The following SSBP3 variants were observed in gnomAD, a reference collection of about 807,000 sequenced individuals.
SSBP3 encodes the protein single stranded DNA binding protein 3.
SSBP3 carries 5 observed loss-of-function variants against 69.6 expected under a neutral mutation model. The observed-to-expected ratio is 0.07, with a 90% CI of 0.04 to 0.15. The LOEUF (loss-of-function observed/expected upper bound fraction) is 0.15. Ranked by LOEUF, SSBP3 falls within the 10% of genes least tolerant of loss-of-function variation. The probability of loss-of-function intolerance (pLI) is 1.00; values close to 1 mark genes in which losing one functional copy is unlikely to be tolerated. For synonymous variants in SSBP3, 196 were observed against 193.4 expected, an observed-to-expected ratio of 1.01 and a Z score of -0.11; for missense variants, 312 against 534.0, an observed-to-expected ratio of 0.58 and a Z score of 4.10.
chr1:54,289,984 C>A (rs764717670), intron 4 of SSBP3, among the ~76,000 whole-genome samples: 3 of 152,180 alleles, frequency 2.0e-5, no homozygotes, highest in Non-Finnish European at 2.9e-5. Flanking sequence ...ATCCTTCCAA[C>A]AATCCACAGT....
At chr1:54,255,163 G>A (rs1033603102) in intron 7 of SSBP3, among the ~76,000 whole-genome samples, 1 of 140,298 alleles carries the variant, frequency 7.1e-6, no homozygotes, top group African/African-American at 2.5e-5. Context: ...GGGGGCGGGG[G>A]GGGGGGTGGT....
At chr1:54,396,957 T>C (rs995544661) in intron 4 of SSBP3, among the ~76,000 whole-genome samples, 4 of 152,166 alleles carry the variant, frequency 2.6e-5, no homozygotes, top group African/African-American at 9.7e-5. Flanking sequence ...TAGCTACCGA[T>C]GGAGGAGTCT....
intron 1 of SSBP3, chr1:54,413,299 A>C (rs1363647497): frequency 6.6e-6 from 1 of 152,162 alleles, no homozygotes; most frequent in Admixed American, 6.5e-5. Flanking sequence ...GTGTTACCTA[A>C]CACACAGCCC....
intron 4 of SSBP3, among the ~76,000 whole-genome samples, chr1:54,318,892 C>T (rs916746638): frequency 5.9e-5 from 9 of 152,202 alleles, no homozygotes; most frequent in African/African-American, 1.9e-4. Flanking sequence ...CGTCCTTTCC[C>T]AGGATGTATC....
At chr1:54,293,446 C>A (rs576966501) in intron 4 of SSBP3, among the ~76,000 whole-genome samples, 1 of 152,146 alleles carries the variant, frequency 6.6e-6, no homozygotes, top group South Asian at 2.1e-4. Flanking sequence ...TGCCACCCAT[C>A]GATATGGTAT....
intron 4 of SSBP3, among the ~76,000 whole-genome samples, chr1:54,330,882 T>TCA (rs1227846728): frequency 6.6e-6 from 1 of 152,114 alleles, no homozygotes; most frequent in African/African-American, 2.4e-5. Context: ...TGGGTGCAGA[T>TCA]CACTGCTCCT....
chr1:54,294,944 C>T (rs142557875), intron 4 of SSBP3, among the ~76,000 whole-genome samples: 27 of 152,254 alleles, frequency 1.8e-4, no homozygotes, highest in African/African-American at 6.5e-4. Context: ...ATGCATCCCA[C>T]AAGCAGAGGC....
intron 5 of SSBP3, among the ~76,000 whole-genome samples, chr1:54,263,397 G>A (rs968485991): frequency 1.1e-4 from 16 of 152,252 alleles, no homozygotes; most frequent in African/African-American, 3.9e-4. Context: ...CAGCTCCTCC[G>A]GTTCATTCGG....
intron 5 of SSBP3, among the ~76,000 whole-genome samples, chr1:54,260,059 A>G (rs898930548): frequency 1.3e-5 from 2 of 152,258 alleles, no homozygotes; most frequent in African/African-American, 4.8e-5. Flanking sequence ...CAGGGAAGGA[A>G]AATTGAAATC....
chr1:54,341,059 C>T (rs1052406361), intron 4 of SSBP3, among the ~76,000 whole-genome samples: 4 of 152,358 alleles, frequency 2.6e-5, no homozygotes, highest in South Asian at 2.1e-4. Flanking sequence ...CAAACTGAGT[C>T]GCTCTCCAGG....
rs561936912 is a variant in SSBP3, at chr1:54,252,631, A to G, written c.508-771T>C. ...CATCGGCGGTGCTGGTGTGGTTACT[A>G]ATGAGAAGGTAAACACGGGGGCCAC... is the stretch of plus-strand genomic sequence containing the variant. On this transcript the variant is annotated intron_variant, in intron 7 of 17. Coordinates refer to ENST00000610401, the Ensembl canonical transcript of SSBP3. 6.1e-3 allele frequency among the ~76,000 whole-genome samples: 936 copies of G among 152,280 alleles called. 7 individuals are homozygous for G. The highest frequency in any genetic ancestry group is 0.021 in the African/African-American group (860 of 41,550).
intron 4 of SSBP3, among the ~76,000 whole-genome samples, chr1:54,304,936 C>T (rs142909619): frequency 5.9e-5 from 9 of 152,270 alleles, no homozygotes; most frequent in African/African-American, 1.4e-4. Flanking sequence ...CCACCCCCAC[C>T]GACACCATGA....
intron 4 of SSBP3, among the ~76,000 whole-genome samples, chr1:54,347,104 G>A (rs2100556538): frequency 6.6e-6 from 1 of 152,168 alleles, no homozygotes; most frequent in East Asian, 1.9e-4. Flanking sequence ...TGGGACTGCA[G>A]GCATACACCA....
intron 7 of SSBP3, among the ~76,000 whole-genome samples, chr1:54,256,275 T>C (rs1424869976): frequency 6.6e-6 from 1 of 152,214 alleles, no homozygotes; most frequent in African/African-American, 2.4e-5. Context: ...TCAGATTTTT[T>C]TGAAGGGCTT....
intron 3 of SSBP3, among the ~76,000 whole-genome samples, chr1:54,404,260 G>A (rs1425611990): frequency 6.6e-6 from 1 of 152,136 alleles, no homozygotes; most frequent in African/African-American, 2.4e-5. Context: ...AAAGCAACAT[G>A]CAGAATTGAC....
At chr1:54,262,371 A>G (rs1031440807) in intron 5 of SSBP3, among the ~76,000 whole-genome samples, 1 of 152,170 alleles carries the variant, frequency 6.6e-6, no homozygotes, top group Non-Finnish European at 1.5e-5. Flanking sequence ...GTAGCCCATC[A>G]TTCTACAAGA....
At chr1:54,254,229 T>C (rs1644880808) in intron 7 of SSBP3, among the ~76,000 whole-genome samples, 1 of 152,188 alleles carries the variant, frequency 6.6e-6, no homozygotes, top group Non-Finnish European at 1.5e-5. Context: ...CAGCACTGCA[T>C]GTGGGGCAAG....
At chr1:54,292,003 C>T (rs981650972) in intron 4 of SSBP3, among the ~76,000 whole-genome samples, 1 of 152,190 alleles carries the variant, frequency 6.6e-6, no homozygotes, top group Non-Finnish European at 1.5e-5. Context: ...GAGAGGCCCA[C>T]ACTGACCCCC....
At chr1:54,374,711 C>T (rs1222935834) in intron 4 of SSBP3, among the ~76,000 whole-genome samples, 1 of 152,118 alleles carries the variant, frequency 6.6e-6, no homozygotes, top group African/African-American at 2.4e-5. Context: ...CAAAGCAAAT[C>T]CATGCTAACC....
Sources: allele counts gnomAD v4.1 joint callset (sites outside exome capture counted in the v4.1 genomes callset), GRCh38; gene constraint gnomAD v4.1.1; transcripts MANE v1.5; gene names NCBI Gene and HGNC (gene_info 2026-07-23, HGNC 2026-07-21).